The following NOL4 variants were observed in gnomAD, a reference collection of about 807,000 sequenced individuals.
NOL4 encodes the protein cancer/testis antigen 125.
In NOL4, 17 loss-of-function variants were observed where a neutral mutation model predicts 75.9. The ratio of observed to expected loss-of-function variants is 0.22; its 90% CI spans 0.15 to 0.34. The LOEUF (loss-of-function observed/expected upper bound fraction) is 0.34, where lower values mean the gene tolerates loss of function less well. Among genes scored for constraint, NOL4 ranks in the 10% least tolerant of loss-of-function variants. The pLI, the probability that NOL4 is intolerant of heterozygous loss-of-function variation, is 1.00. For synonymous variants in NOL4, 292 were observed against 289.9 expected (o/e 1.01, Z -0.07); for missense variants, 614 against 793.5 (o/e 0.77, Z 2.72).
At chr18:34,111,347 G>A (rs539681919) in intron 2 of NOL4, among the ~76,000 whole-genome samples, 6 of 152,060 alleles carry the variant, frequency 3.9e-5, no homozygotes, top group East Asian at 1.9e-4. Flanking sequence ...TTGAATGTCC[G>A]TGTCTTCTTA....
rs1263348658 is a variant in NOL4 at position 34,134,412 on chromosome 18, A to G, written c.265-4392T>C. ...AACTCACCAGACAGACAAAACAACG[A>G]TCAACATATATGGACCCAATAAGAG... On this transcript the variant is annotated intron_variant, in intron 1 of 10. Coordinates refer to ENST00000261592, the MANE Select transcript of NOL4 (RefSeq NM_003787.5). 2.0e-5 allele frequency among the ~76,000 whole-genome samples: 3 copies of G among 151,318 alleles called. No individual in the cohort carries two copies. In the Admixed American group the frequency reaches 2.0e-4, roughly 10 times the overall value.
intron 2 of NOL4, among the ~76,000 whole-genome samples, chr18:34,121,646 G>A (rs1437563758): frequency 6.6e-6 from 1 of 152,160 alleles, no homozygotes; most frequent in African/African-American, 2.4e-5. Context: ...TGACGACAGT[G>A]CACTATGGTT....
chr18:33,999,101 G>A (rs1340426876), intron 6 of NOL4, among the ~76,000 whole-genome samples: 2 of 149,732 alleles, frequency 1.3e-5, no homozygotes. Flanking sequence ...AGAAGTAGGT[G>A]TATTGTCCCT....
intron 10 of NOL4, among the ~76,000 whole-genome samples, chr18:33,875,731 A>G (rs1379726747): frequency 6.9e-6 from 1 of 145,582 alleles, no homozygotes; most frequent in African/African-American, 2.4e-5. Context: ...TTTCCTTTTG[A>G]TATCATTCTA....
At chr18:33,972,973 A>G (rs1408054056) in intron 6 of NOL4, among the ~76,000 whole-genome samples, 2 of 152,164 alleles carry the variant, frequency 1.3e-5, no homozygotes, top group Non-Finnish European at 2.9e-5. Context: ...AAATAACACA[A>G]CAATGAAGTT....
intron 2 of NOL4, among the ~76,000 whole-genome samples, chr18:34,120,292 T>C (rs943069131): frequency 6.6e-6 from 1 of 152,168 alleles, no homozygotes; most frequent in African/African-American, 2.4e-5. Context: ...ACATTCTATA[T>C]CGACAGCACA....
intron 6 of NOL4, among the ~76,000 whole-genome samples, chr18:34,007,309 T>G (rs2074091382): frequency 6.6e-6 from 1 of 151,974 alleles, no homozygotes; most frequent in Non-Finnish European, 1.5e-5. Context: ...CCAGGCCCTG[T>G]GATATAAGGT....
At chr18:34,210,506 C>T (rs1162636109) in intron 1 of NOL4, among the ~76,000 whole-genome samples, 3 of 152,166 alleles carry the variant, frequency 2.0e-5, no homozygotes, top group Admixed American at 2.0e-4. Context: ...AATGCTATGC[C>T]TGCAACTCTA....
intron 1 of NOL4, among the ~76,000 whole-genome samples, chr18:34,130,540 G>A (rs1312374176): frequency 6.6e-6 from 1 of 151,888 alleles, no homozygotes; most frequent in African/African-American, 2.4e-5. Flanking sequence ...AACAATATGT[G>A]GTAAAGGTTA....
At chr18:33,950,002 C>A (rs1484070919) in intron 8 of NOL4, among the ~76,000 whole-genome samples, 1 of 151,530 alleles carries the variant, frequency 6.6e-6, no homozygotes, top group Non-Finnish European at 1.5e-5. Context: ...TTTGTATATA[C>A]TATATACACT....
intron 10 of NOL4, among the ~76,000 whole-genome samples, chr18:33,863,275 G>C (rs1482159464): frequency 1.3e-5 from 2 of 151,958 alleles, no homozygotes. Flanking sequence ...CTGTTGTGGG[G>C]TAGGGGAAGG....
intron 9 of NOL4, among the ~76,000 whole-genome samples, chr18:33,910,271 C>T (rs2066315333): frequency 6.6e-6 from 1 of 152,126 alleles, no homozygotes; most frequent in Admixed American, 6.5e-5. Flanking sequence ...GGGGTATACC[C>T]ACTGTGAACT....
intron 10 of NOL4, among the ~76,000 whole-genome samples, chr18:33,860,962 A>C (rs1452792981): frequency 6.6e-6 from 1 of 152,204 alleles, no homozygotes; most frequent in Non-Finnish European, 1.5e-5. Context: ...ATTGAACCAG[A>C]CTTGCATCCG....
In NOL4 at chr18:34,012,293, T is replaced by G. The variant is rs183572382; in HGVS notation, c.1056+7025A>C. Among the ~76,000 whole-genome samples the G allele has an allele frequency of 3.3e-5, 5 of 152,014 alleles. No individual in the cohort carries two copies. In the East Asian group the frequency reaches 9.7e-4, roughly 29 times the overall value. On this transcript the variant is annotated intron_variant, in intron 6 of 10. Transcript: ENST00000261592. ...TAGTTGATTTTACAATCCCTAGTAA[T>G]GTGGGTATTTATTCATAAAAGCATT...
At chr18:34,051,976 C>T (rs1298860711) in intron 5 of NOL4, among the ~76,000 whole-genome samples, 4 of 151,872 alleles carry the variant, frequency 2.6e-5, no homozygotes, top group Admixed American at 2.6e-4. Context: ...CACCATGCAA[C>T]TAGGAAAAAG....
intron 4 of NOL4, among the ~76,000 whole-genome samples, chr18:34,094,754 TTGC>T (rs2078692095): frequency 6.6e-6 from 1 of 152,214 alleles, no homozygotes; most frequent in African/African-American, 2.4e-5. Context: ...GCTATTTATG[TTGC>T]ACACGTTGTT....
chr18:34,053,111 A>T, intron 5 of NOL4, among the ~76,000 whole-genome samples: 1 of 151,964 alleles, frequency 6.6e-6, no homozygotes, highest in Non-Finnish European at 1.5e-5. Flanking sequence ...ATAGGTAGAG[A>T]ACTTTTGGAA....
chr18:33,890,779 G>C lies in NOL4; in HGVS notation c.1543-7355C>G, dbSNP rs535533819. 4.1e-4 allele frequency among the ~76,000 whole-genome samples: 62 copies of C among 152,176 alleles called. 1 individual carries two copies. The highest frequency in any genetic ancestry group is 6.2e-4 in the South Asian group (3 of 4,832). Reference sequence around the variant, plus strand: ...ACAAATCTGTTGTTTCTGGAAGTGTGTGTGCTAATACGCAGGTCAGAGGTA... The same window carrying C: ...ACAAATCTGTTGTTTCTGGAAGTGTCTGTGCTAATACGCAGGTCAGAGGTA... On this transcript the variant is annotated intron_variant, in intron 9 of 10. Coordinates refer to ENST00000261592, the MANE Select transcript of NOL4 (RefSeq NM_003787.5).
chr18:34,053,253 T>C (rs1392927398), intron 5 of NOL4, among the ~76,000 whole-genome samples: 1 of 151,942 alleles, frequency 6.6e-6, no homozygotes, highest in African/African-American at 2.4e-5. Flanking sequence ...CTTTAAGGCT[T>C]TGCATACTCT....
Sources: allele counts gnomAD v4.1 joint callset (sites outside exome capture counted in the v4.1 genomes callset), GRCh38; gene constraint gnomAD v4.1.1; transcripts MANE v1.5; gene names NCBI Gene and HGNC (gene_info 2026-07-23, HGNC 2026-07-21).